Variants in PCM1 observed in about 807,000 individuals in gnomAD.
The protein encoded by PCM1 is pericentriolar material 1.
PCM1 carries 157 observed loss-of-function variants against 241.9 expected under a neutral mutation model. The observed-to-expected ratio is 0.65, with a 90% confidence interval of 0.57 to 0.74. The LOEUF is 0.74. Among genes scored for constraint, PCM1 ranks in the 30% least tolerant of loss-of-function variants. The pLI, the probability that PCM1 is intolerant of heterozygous loss-of-function variation, is 0.00. For missense variants in PCM1, 3,478 were observed against 2,360.1 expected (o/e 1.47, Z -9.81); for synonymous variants, 1,085 against 784.9 (o/e 1.38, Z -6.39).
chr8:18,022,130 G>A (rs2093803579), intron 36 of PCM1, among the ~76,000 whole-genome samples: 1 of 152,094 alleles, frequency 6.6e-6, no homozygotes, highest in South Asian at 2.1e-4. Flanking sequence ...TCAGCCTTGG[G>A]TCCATCTATC....
rs1188205711 is a variant in PCM1, at chr8:17,960,123, C to G, written c.2150C>G (p.Ala717Gly). 6.3e-7 allele frequency: 1 copy of G among 1,595,096 alleles called. No homozygotes were observed. Among genetic ancestry groups the G allele is most frequent in the Non-Finnish European group, 8.6e-7 (1 of 1,169,500 alleles). Residue 717 changes from alanine to glycine, a missense_variant, in exon 14 of 39, where the codon GCC becomes GGC. Transcript: ENST00000325083. Reference sequence around the variant, plus strand: ...AATTCAAATAACACTAGAGGAAATGCCAATAAAACACAGAAAGATACTGGA... The same window carrying G: ...AATTCAAATAACACTAGAGGAAATGGCAATAAAACACAGAAAGATACTGGA... ...KQNSNNTRGN[A>G]NKTQKDTGVN... is the part of the protein sequence containing the mutation.
chr8:17,972,273 T>G, intron 22 of PCM1, 56 bp from the exon 23 acceptor site: 1 of 973,058 alleles, frequency 1.0e-6, no homozygotes, highest in South Asian at 2.2e-5. Flanking sequence ...TCAGTGTATT[T>G]GGAGTTTTTG....
intron 15 of PCM1, 136 bp from the exon 16 acceptor site, chr8:17,961,898 G>C (rs1262610391): frequency 3.3e-6 from 2 of 613,220 alleles, no homozygotes; most frequent in African/African-American, 3.8e-5. Context: ...ATCTTCGGAT[G>C]ATGATGGAAG....
chr8:18,019,763 C>T (rs1237442117), intron 36 of PCM1, among the ~76,000 whole-genome samples: 1 of 152,180 alleles, frequency 6.6e-6, no homozygotes, highest in Non-Finnish European at 1.5e-5. Context: ...CTGGCTCCCC[C>T]CACCACTCAC....
At position 18,009,716 on chromosome 8, in the gene PCM1, C is replaced by T; in HGVS notation, c.5132C>T (p.Thr1711Ile). Reference protein sequence around the residue: ...KQRCKRKIEATGVIQSCAKEA... With the variant: ...KQRCKRKIEAIGVIQSCAKEA... ...AGATGCAAAAGGAAAATAGAAGCAACTGGAGTGATACAATCTTGTGCCAAA... is the reference window on the plus strand; with the variant it reads ...AGATGCAAAAGGAAAATAGAAGCAATTGGAGTGATACAATCTTGTGCCAAA... Residue 1711 changes from threonine to isoleucine, a missense_variant, in exon 31 of 39, where the codon ACT becomes ATT. Physicochemically the swap from Thr to Ile is moderately conservative, Grantham distance 89 (BLOSUM62 -1). Coordinates refer to ENST00000325083, the MANE Select transcript of PCM1 (RefSeq NM_006197.4). The T allele has an allele frequency of 6.7e-7, 1 of 1,498,094 alleles. No individual in the cohort carries two copies. The highest frequency in any genetic ancestry group is 8.9e-7 in the Non-Finnish European group (1 of 1,124,762). 92.8% of individuals were successfully genotyped at this position (1,498,094 alleles called of 1,614,324 possible).
chr8:17,937,957 A>G (rs745437954), intron 4 of PCM1, among the ~76,000 whole-genome samples: 16 of 152,146 alleles, frequency 1.1e-4, no homozygotes, highest in Non-Finnish European at 1.8e-4. Flanking sequence ...ATTTATATCT[A>G]TTTATCAATT....
rs2092947775 is a variant in PCM1, at chr8:18,014,654, T to C, written c.5655T>C (p.Ser1885=). 1 of 1,613,614 alleles carries C rather than the reference T, an allele frequency of 6.2e-7. No individual in the cohort carries two copies. The highest frequency in any genetic ancestry group is 8.5e-7 in the Non-Finnish European group (1 of 1,179,596). ...TGGAAGATGAGCAACCTTTAAATAG[T>C]GCTGCCCATAAGGAGTCACCTCCTA... ...NILEDEQPLN[S]AAHKESPPTV... Residue 1885 remains serine (S), a synonymous_variant, in exon 36 of 39, where the codon AGT becomes AGC. Coordinates refer to ENST00000325083, the MANE Select transcript of PCM1 (RefSeq NM_006197.4).
chr8:17,931,098 T>TA (rs2058875872), intron 2 of PCM1, among the ~76,000 whole-genome samples: 1 of 152,138 alleles, frequency 6.6e-6, no homozygotes, highest in Admixed American at 6.5e-5. Context: ...AATTTTGTTT[T>TA]AAAAAATACT....
intron 24 of PCM1, among the ~76,000 whole-genome samples, chr8:17,984,577 A>G (rs896002121): frequency 1.3e-5 from 2 of 151,958 alleles, no homozygotes; most frequent in Non-Finnish European, 2.9e-5. Context: ...ATATTAAATT[A>G]TTAGCCAAGT....
chr8:17,994,639 T>G (rs150583856), intron 29 of PCM1, among the ~76,000 whole-genome samples: 1,540 of 152,356 alleles, frequency 0.01, 10 homozygotes, highest in Admixed American at 0.013. Context: ...GGGGTTGTAC[T>G]AATTTACATT....
Position 17,949,727 on chromosome 8 carries a change from G to A in PCM1, c.962-888G>A, listed in dbSNP as rs533487944. On this transcript the variant is annotated intron_variant, in intron 7 of 38. Transcript: ENST00000325083. ...GCCCAGGCTGGTCTTGAACTCCTGC[G>A]CTCAAGTGATCTGCCCACCTTGGCC... is the stretch of plus-strand genomic sequence containing the variant. Among the ~76,000 whole-genome samples, 9 of 152,122 alleles carry A rather than the reference G, an allele frequency of 5.9e-5. No homozygotes were observed. The South Asian group carries it at 1.7e-3, about 28-fold the overall frequency.
At chr8:18,012,332 T>G (rs1564379346) in intron 34 of PCM1, among the ~76,000 whole-genome samples, 2 of 152,182 alleles carry the variant, frequency 1.3e-5, no homozygotes, top group African/African-American at 2.4e-5. Context: ...CAGATAGACT[T>G]GCAGTATAAC....
intron 34 of PCM1, among the ~76,000 whole-genome samples, chr8:18,013,219 G>T (rs1300225847): frequency 6.6e-6 from 1 of 152,100 alleles, no homozygotes; most frequent in South Asian, 2.1e-4. Context: ...ATGGGGCTGA[G>T]GTCCCACCGT....
chr8:17,980,785 A>G lies in PCM1; in HGVS notation c.4108+30A>G, dbSNP rs767378314. ...GTTCTTTTTTGGTTTGCATTAATAT[A>G]AGGAGGTTTTCAGCTTAGATTTGAA... On this transcript the variant is annotated intron_variant, in intron 24 of 38. Coordinates refer to ENST00000325083, the MANE Select transcript of PCM1 (RefSeq NM_006197.4). 3.9e-6 allele frequency: 6 copies of G among 1,537,216 alleles called. No homozygotes were observed. In the Admixed American group the frequency reaches 9.0e-5, roughly 23 times the overall value.
intron 6 of PCM1, among the ~76,000 whole-genome samples, chr8:17,942,586 G>A (rs576815142): frequency 6.6e-6 from 1 of 152,068 alleles, no homozygotes; most frequent in Non-Finnish European, 1.5e-5. Context: ...TGACTTGGTT[G>A]CCTCTTTTTT....
rs769971556 is a variant in PCM1, at chr8:17,980,643, C to A, written c.3996C>A (p.Asn1332Lys). Residue 1332 changes from asparagine (N) to lysine (K), a missense_variant, in exon 24 of 39, where the codon AAC becomes AAA. Asn to Lys is a moderately conservative substitution (Grantham distance 94). Coordinates refer to ENST00000325083, the MANE Select transcript of PCM1 (RefSeq NM_006197.4). ...SSTCEPCKSR[N>K]RHSAQTEEPV... The stretch of plus-strand genomic sequence containing the variant: ...CATGTGAACCTTGCAAAAGTAGGAA[C>A]AGACATTCAGCCCAGACTGAAGAGC... 7 of 1,613,108 alleles carry A rather than the reference C, an allele frequency of 4.3e-6. No homozygotes were observed. In the African/African-American group the frequency reaches 8.0e-5, roughly 18 times the overall value.
At chr8:18,018,434 T>C (rs2093428008) in intron 36 of PCM1, among the ~76,000 whole-genome samples, 1 of 152,226 alleles carries the variant, frequency 6.6e-6, no homozygotes. Flanking sequence ...ATTGCCCTCA[T>C]GCCCCCTAGG....
intron 6 of PCM1, 57 bp downstream of exon 6, chr8:17,939,918 T>TACAC: frequency 2.6e-6 from 3 of 1,151,100 alleles, no homozygotes; most frequent in Non-Finnish European, 3.7e-6. Context: ...AGTGTGTATT[T>TACAC]ACTGATGACA....
intron 38 of PCM1, among the ~76,000 whole-genome samples, chr8:18,026,105 G>A (rs552918641): frequency 8.7e-4 from 124 of 142,734 alleles, no homozygotes; most frequent in African/African-American, 3.1e-3. Context: ...TGGGGCTTGC[G>A]GTGAGCTGAG....
Sources: allele counts gnomAD v4.1 joint callset (sites outside exome capture counted in the v4.1 genomes callset), GRCh38; gene constraint gnomAD v4.1.1; transcripts MANE v1.5; gene names NCBI Gene and HGNC (gene_info 2026-07-23, HGNC 2026-07-21).